NUDC: variants seen among roughly 807,000 people sequenced by gnomAD.
The protein encoded by NUDC is nuclear distribution C, dynein complex regulator.
Under a neutral mutation model 45.0 loss-of-function variants are expected in NUDC, and 14 were observed. That is an observed-to-expected ratio of 0.31 (90% CI 0.21 to 0.49). The LOEUF (loss-of-function observed/expected upper bound fraction) is 0.49, where lower values mean the gene tolerates loss of function less well. Among genes scored for constraint, NUDC ranks in the 20% least tolerant of loss-of-function variants. The probability of loss-of-function intolerance (pLI) is 0.99; values close to 1 mark genes in which losing one functional copy is unlikely to be tolerated. For missense variants in NUDC, 323 were observed against 426.2 expected (o/e 0.76, Z 2.13); for synonymous variants, 153 against 156.7 (o/e 0.98, Z 0.17).
chr1:26,917,672 G>C (rs902362588), upstream of NUDC, among the ~76,000 whole-genome samples: 1 of 152,108 alleles, frequency 6.6e-6, no homozygotes, highest in Non-Finnish European at 1.5e-5. Context: ...CGGATCACTT[G>C]AGGCCAGGAA....
chr1:26,941,798 C>T lies in NUDC; in HGVS notation c.409C>T (p.Leu137Phe), dbSNP rs1303442984. ...NHEAQLKNGS[L>F]DSPGKQDTEE... ...TGAGGCCCAGCTCAAGAACGGCAGC[C>T]TTGACTCCCCAGGGAAGCAGGTGAG... The change falls in exon 4 of 9, where the codon CTT (leucine) becomes TTT (phenylalanine). Residue 137 changes from leucine (L) to phenylalanine (F), a missense_variant. Leu to Phe is a conservative substitution (Grantham distance 22, BLOSUM62 0). This residue lies in a region of NUDC where 245 missense variants were observed against 278.8 expected (regional missense o/e 0.88). Transcript: ENST00000321265. The T allele has an allele frequency of 6.2e-7, 1 of 1,613,360 alleles. No homozygotes were observed. The highest frequency in any genetic ancestry group is 1.7e-5 in the Admixed American group (1 of 60,024).
intron 2 of NUDC, among the ~76,000 whole-genome samples, chr1:26,933,403 AGTTTTT>A (rs566352112): frequency 3.6e-4 from 55 of 151,874 alleles, no homozygotes; most frequent in African/African-American, 7.5e-4. Flanking sequence ...ATCATATGGT[AGTTTTT>A]GTTTTTGTTT....
chr1:26,926,246 A>G (rs1194435367), intron 2 of NUDC, among the ~76,000 whole-genome samples: 1 of 152,214 alleles, frequency 6.6e-6, no homozygotes, highest in Non-Finnish European at 1.5e-5. Flanking sequence ...GTTCTTTGCA[A>G]ACCGTTTTCT....
rs1233394968 is a variant in NUDC, at chr1:26,945,576, C to G, written c.834C>G (p.Asp278Glu). Reference sequence around the variant, plus strand: ...TCACTGCCTGCCCTCAGCTGTCAGACCTGGACAGTGAGACTCGCAGCATGG... The same window carrying G: ...TCACTGCCTGCCCTCAGCTGTCAGAGCTGGACAGTGAGACTCGCAGCATGG... ...KINPENSKLSDLDSETRSMVE... is the reference protein window; with the variant it reads ...KINPENSKLSELDSETRSMVE... The change falls in exon 8 of 9, where the codon GAC (aspartate) becomes GAG (glutamate). Residue 278 changes from aspartate to glutamate, a missense_variant. Asp to Glu is a conservative substitution (Grantham distance 45). Coordinates refer to ENST00000321265, the MANE Select transcript of NUDC (RefSeq NM_006600.4). The G allele has an allele frequency of 6.2e-7, 1 of 1,613,938 alleles. No homozygotes were observed. The highest frequency in any genetic ancestry group is 8.5e-7 in the Non-Finnish European group (1 of 1,179,924).
intron 2 of NUDC, among the ~76,000 whole-genome samples, chr1:26,931,500 G>A (rs1215353449): frequency 6.7e-6 from 1 of 148,508 alleles, no homozygotes; most frequent in Non-Finnish European, 1.5e-5. Context: ...TCTCGTACCG[G>A]TTGGGCACGG....
intron 2 of NUDC, among the ~76,000 whole-genome samples, chr1:26,926,787 A>G (rs2082136293): frequency 6.6e-6 from 1 of 151,934 alleles, no homozygotes; most frequent in Non-Finnish European, 1.5e-5. Flanking sequence ...TTTAGTAGAG[A>G]CAGGTTTCAC....
At chr1:26,912,503 A>G (rs1458877226) in intron 3 of NUDC, among the ~76,000 whole-genome samples, 1 of 152,182 alleles carries the variant, frequency 6.6e-6, no homozygotes, top group Non-Finnish European at 1.5e-5. Context: ...ATAGGGCCTA[A>G]CATATGGTAA....
upstream of NUDC, chr1:26,921,721 C>A: frequency 2.0e-6 from 2 of 1,010,624 alleles, no homozygotes; most frequent in African/African-American, 1.6e-5. Context: ...CAGCCGCGCG[C>A]GTGCGTGTTT....
intron 2 of NUDC, among the ~76,000 whole-genome samples, chr1:26,902,634 T>C (rs2081985201): frequency 1.3e-5 from 2 of 151,902 alleles, no homozygotes. Context: ...CCTGTAATCT[T>C]AGCACGTCGG....
intron 3 of NUDC, chr1:26,914,100 G>T: frequency 1.8e-6 from 1 of 552,696 alleles, no homozygotes; most frequent in Non-Finnish European, 2.8e-6. Context: ...CCCCTGGCAG[G>T]AATGGTGGGG....
chr1:26,922,383 G>A, intron 1 of NUDC: 1 of 211,134 alleles, frequency 4.7e-6, no homozygotes, highest in Non-Finnish European at 9.8e-6. Context: ...CTGTGTTCAC[G>A]ATTAGTTTCC....
chr1:26,928,783 AAGAT>A (rs1248068876), intron 2 of NUDC, among the ~76,000 whole-genome samples: 2 of 152,200 alleles, frequency 1.3e-5, no homozygotes, highest in Non-Finnish European at 2.9e-5. Flanking sequence ...AGTGTTGACA[AAGAT>A]AGGGAGAAAC....
intron 1 of NUDC, chr1:26,922,366 A>T (rs908541201): frequency 8.6e-6 from 2 of 232,332 alleles, no homozygotes; most frequent in Non-Finnish European, 1.7e-5. Context: ...ATGGGGGAAT[A>T]GGAGGCCTGT....
chr1:26,925,559 A>G (rs1450760838), intron 2 of NUDC, among the ~76,000 whole-genome samples: 2 of 150,964 alleles, frequency 1.3e-5, no homozygotes, highest in Non-Finnish European at 3.0e-5. Flanking sequence ...AAAAAAAAAA[A>G]AGAAATAAAT....
intron 2 of NUDC, among the ~76,000 whole-genome samples, chr1:26,937,641 T>A (rs956848398): frequency 2.6e-5 from 4 of 151,988 alleles, no homozygotes; most frequent in African/African-American, 4.8e-5. Flanking sequence ...ATTTATTTAT[T>A]TTTATTTCTA....
intron 2 of NUDC, among the ~76,000 whole-genome samples, chr1:26,937,491 A>G (rs1002832120): frequency 6.6e-6 from 1 of 152,070 alleles, no homozygotes; most frequent in South Asian, 2.1e-4. Flanking sequence ...CACGTTGCCC[A>G]GGCTGGTCTT....
At chr1:26,922,280 A>G (rs11805105) in intron 1 of NUDC, 4,544 of 379,984 alleles carry the variant, frequency 0.012, 200 homozygotes, top group African/African-American at 0.088. Flanking sequence ...GGATCCACCA[A>G]GGCTTGGGGC....
At chr1:26,927,265 G>A (rs374359736) in intron 2 of NUDC, among the ~76,000 whole-genome samples, 43 of 1,532 alleles carry the variant, frequency 0.028, no homozygotes, top group African/African-American at 0.063. Context: ...GAGATGAACC[G>A]TGTGTGTGTG....
chr1:26,910,181 G>A (rs1570710834), intron 2 of NUDC, among the ~76,000 whole-genome samples: 1 of 152,154 alleles, frequency 6.6e-6, no homozygotes, highest in Non-Finnish European at 1.5e-5. Flanking sequence ...TGACTGTGTG[G>A]GGGTCTGCAG....
Sources: allele counts gnomAD v4.1 joint callset (sites outside exome capture counted in the v4.1 genomes callset), GRCh38; gene constraint gnomAD v4.1.1; regional missense constraint gnomAD v4.1.1; transcripts MANE v1.5; gene names NCBI Gene and HGNC (gene_info 2026-07-23, HGNC 2026-07-21).